ADCY2: variants seen among roughly 807,000 people sequenced by gnomAD.
ADCY2 encodes adenylate cyclase 2, also known as adenylate cyclase type 2.
A neutral mutation model predicts 125.2 loss-of-function variants in ADCY2; 31 were observed. The observed-to-expected ratio is 0.25, with a 90% CI of 0.19 to 0.33. The LOEUF is 0.33. Ranked by LOEUF, ADCY2 falls within the 10% of genes least tolerant of loss-of-function variation. ADCY2 has a pLI of 1.00. For synonymous variants in ADCY2, 512 were observed against 548.4 expected (o/e 0.93, Z 0.93); for missense variants, 904 against 1,418.2 (o/e 0.64, Z 5.82).
intron 14 of ADCY2, among the ~76,000 whole-genome samples, chr5:7,743,415 A>T (rs527683304): frequency 1.1e-3 from 165 of 152,038 alleles, no homozygotes; most frequent in South Asian, 0.01. Flanking sequence ...AAGATTCTTT[A>T]TCCTTCATAA....
At chr5:7,410,403 A>T (rs1168942647) in intron 1 of ADCY2, among the ~76,000 whole-genome samples, 1 of 152,222 alleles carries the variant, frequency 6.6e-6, no homozygotes, top group African/African-American at 2.4e-5. Context: ...GTGGAAAAAC[A>T]TCTAAGAAAC....
chr5:7,610,810 A>T (rs1737551366), intron 3 of ADCY2, among the ~76,000 whole-genome samples: 1 of 152,220 alleles, frequency 6.6e-6, no homozygotes, highest in Non-Finnish European at 1.5e-5. Flanking sequence ...TTTCTTATGC[A>T]TTGAAGTGGA....
intron 4 of ADCY2, among the ~76,000 whole-genome samples, chr5:7,667,662 G>A (rs1043232565): frequency 5.9e-5 from 9 of 152,152 alleles, no homozygotes; most frequent in Non-Finnish European, 1.0e-4. Flanking sequence ...ACAATTTTGT[G>A]TATCATCTTC....
intron 15 of ADCY2, among the ~76,000 whole-genome samples, chr5:7,755,856 G>C (rs1267490178): frequency 2.0e-5 from 3 of 152,216 alleles, no homozygotes; most frequent in South Asian, 2.1e-4. Flanking sequence ...AATAAGATGT[G>C]AAAGAAGTAG....
At chr5:7,497,775 G>A (rs145170765) in intron 2 of ADCY2, among the ~76,000 whole-genome samples, 29 of 152,180 alleles carry the variant, frequency 1.9e-4, no homozygotes, top group Admixed American at 5.2e-4. Context: ...TGTTCTTAGT[G>A]AAATAATGTA....
chr5:7,408,046 T>A (rs1206844867), intron 1 of ADCY2, among the ~76,000 whole-genome samples: 2 of 151,454 alleles, frequency 1.3e-5, no homozygotes, highest in African/African-American at 4.9e-5. Flanking sequence ...TTTTTTGTAT[T>A]TTTTTAGTAG....
intron 12 of ADCY2, among the ~76,000 whole-genome samples, chr5:7,719,956 T>C (rs761690080): frequency 2.0e-5 from 3 of 152,134 alleles, no homozygotes; most frequent in Non-Finnish European, 4.4e-5. Flanking sequence ...GGTGTACCCA[T>C]GCCCCTCTAG....
rs1029284541 is a variant in ADCY2, at chr5:7,499,802, C to A, written c.409-20936C>A. ...TAATGAAAAAGCAAAGAAAACTGCCCATATAGAGAAAAAACACAGTAAATG... is the reference window on the plus strand; with the variant it reads ...TAATGAAAAAGCAAAGAAAACTGCCAATATAGAGAAAAAACACAGTAAATG... On this transcript the variant is annotated intron_variant, in intron 2 of 24. Transcript: ENST00000338316. 6.0e-5 allele frequency among the ~76,000 whole-genome samples: 9 copies of A among 150,296 alleles called. No homozygotes were observed. The East Asian group carries it at 1.8e-3, about 29-fold the overall frequency.
At chr5:7,494,610 G>A (rs1743281930) in intron 2 of ADCY2, among the ~76,000 whole-genome samples, 1 of 152,120 alleles carries the variant, frequency 6.6e-6, no homozygotes. Flanking sequence ...TCCAGGCCTG[G>A]CAGATGGTGG....
intron 2 of ADCY2, among the ~76,000 whole-genome samples, chr5:7,495,230 G>A (rs1042953508): frequency 5.3e-5 from 8 of 152,098 alleles, no homozygotes; most frequent in African/African-American, 1.9e-4. Flanking sequence ...CTTCACTCCT[G>A]AATATGCTCT....
At chr5:7,462,178 T>C (rs1423246971) in intron 2 of ADCY2, among the ~76,000 whole-genome samples, 2 of 152,242 alleles carry the variant, frequency 1.3e-5, no homozygotes, top group African/African-American at 4.8e-5. Flanking sequence ...CTAATGTGTT[T>C]TAATTAGCAA....
At chr5:7,815,186 T>C (rs983905122) in intron 22 of ADCY2, among the ~76,000 whole-genome samples, 1 of 152,248 alleles carries the variant, frequency 6.6e-6, no homozygotes, top group Non-Finnish European at 1.5e-5. Context: ...AACCTAAGTA[T>C]AGTTATTCAA....
At chr5:7,633,309 G>A (rs1579257518) in intron 4 of ADCY2, among the ~76,000 whole-genome samples, 1 of 151,388 alleles carries the variant, frequency 6.6e-6, no homozygotes, top group Admixed American at 6.6e-5. Context: ...TGGGCACCTG[G>A]AATCCCAGCT....
chr5:7,788,327 G>T (rs753235026), intron 19 of ADCY2, among the ~76,000 whole-genome samples: 10 of 152,104 alleles, frequency 6.6e-5, no homozygotes, highest in Non-Finnish European at 8.8e-5. Context: ...TTACAGGCGC[G>T]CACAACCAGG....
chr5:7,754,256 T>C (rs1402581758), intron 15 of ADCY2, among the ~76,000 whole-genome samples: 1 of 152,236 alleles, frequency 6.6e-6, no homozygotes, highest in Non-Finnish European at 1.5e-5. Flanking sequence ...GACAAGATTA[T>C]CACCACGTAT....
At chr5:7,585,099 A>T (rs1455328312) in intron 3 of ADCY2, among the ~76,000 whole-genome samples, 1 of 152,210 alleles carries the variant, frequency 6.6e-6, no homozygotes, top group Admixed American at 6.5e-5. Flanking sequence ...TTTCACCATC[A>T]TTAACTATAT....
rs1579489178 is a variant in ADCY2, at chr5:7,829,074, A to G, written c.*2203A>G. The G allele has an allele frequency of 6.6e-6, 1 of 152,408 alleles. No homozygotes were observed. The highest frequency in any genetic ancestry group is 1.9e-4 in the East Asian group (1 of 5,320). 9.4% of individuals were successfully genotyped at this position (152,408 alleles called of 1,614,324 possible). A position where few individuals can be genotyped will look rare whatever the true frequency, so the allele number is the denominator to read the frequency against. Reference sequence around the variant, plus strand: ...CATTGAGTCATTGTCAGAATCCACTATGGGAAGCTCTGTGTGTACCTGGTC... The same window carrying G: ...CATTGAGTCATTGTCAGAATCCACTGTGGGAAGCTCTGTGTGTACCTGGTC... On this transcript the variant is annotated 3_prime_UTR_variant, in exon 25 of 25. Coordinates refer to ENST00000338316, the MANE Select transcript of ADCY2 (RefSeq NM_020546.3).
chr5:7,412,963 C>G (rs1323143118), intron 1 of ADCY2, among the ~76,000 whole-genome samples: 1 of 152,168 alleles, frequency 6.6e-6, no homozygotes, highest in Non-Finnish European at 1.5e-5. Context: ...TAGCATTTAC[C>G]ATTCTTGTTG....
At chr5:7,629,755 A>G (rs1738256234) in intron 4 of ADCY2, among the ~76,000 whole-genome samples, 1 of 152,184 alleles carries the variant, frequency 6.6e-6, no homozygotes. Flanking sequence ...AGTGTGGCAG[A>G]TGGCTCTTAT....
Sources: gnomAD v4.1 joint callset for allele counts (sites outside exome capture counted in the v4.1 genomes callset) on GRCh38, gnomAD v4.1.1 for gene constraint, MANE v1.5 for transcripts, NCBI Gene and HGNC (gene_info 2026-07-23, HGNC 2026-07-21) for gene names.